Variants in COMMD1 observed in about 807,000 individuals in gnomAD.
COMMD1 encodes the protein copper metabolism domain containing 1.
In COMMD1, 10 loss-of-function variants were observed where a neutral mutation model predicts 17.2. The ratio of observed to expected loss-of-function variants is 0.58; its 90% CI spans 0.36 to 0.99. The LOEUF (loss-of-function observed/expected upper bound fraction) is 0.99. Ranked by LOEUF, COMMD1 falls within the 50% of genes least tolerant of loss-of-function variation. COMMD1 has a pLI of 0.01. For synonymous variants in COMMD1, 97 were observed against 91.6 expected, an observed-to-expected ratio of 1.06 and a Z score of -0.34; for missense variants, 270 against 231.8, an observed-to-expected ratio of 1.17 and a Z score of -1.07.
chr2:62,109,428 T>C (rs1214708284), intron 2 of COMMD1, among the ~76,000 whole-genome samples: 1 of 152,242 alleles, frequency 6.6e-6, no homozygotes, highest in Non-Finnish European at 1.5e-5. Flanking sequence ...CTTTTGAGTC[T>C]TCTTATAAAC....
chr2:62,096,112 A>G (rs1326581350), intron 2 of COMMD1, among the ~76,000 whole-genome samples: 5 of 152,050 alleles, frequency 3.3e-5, no homozygotes, highest in Non-Finnish European at 5.9e-5. Flanking sequence ...ACTTTCTCCT[A>G]AAAATGTAAT....
At chr2:62,008,167 T>C (rs948145786) in intron 2 of COMMD1, among the ~76,000 whole-genome samples, 1 of 152,190 alleles carries the variant, frequency 6.6e-6, no homozygotes, top group East Asian at 1.9e-4. Context: ...AGAGTGAAAG[T>C]GAGACCTTGT....
chr2:62,100,594 A>G (rs1302996815), intron 2 of COMMD1, among the ~76,000 whole-genome samples: 1 of 152,178 alleles, frequency 6.6e-6, no homozygotes, highest in African/African-American at 2.4e-5. Context: ...CTTCCAGGCT[A>G]TAGGTAAATT....
chr2:62,046,547 GAAAATT>G (rs1670388399), intron 2 of COMMD1, among the ~76,000 whole-genome samples: 1 of 152,174 alleles, frequency 6.6e-6, no homozygotes, highest in Non-Finnish European at 1.5e-5. Flanking sequence ...TTTTCTGCCT[GAAAATT>G]AAAATTAGAG....
intron 2 of COMMD1, among the ~76,000 whole-genome samples, chr2:62,073,099 C>T (rs942278219): frequency 6.6e-6 from 1 of 152,208 alleles, no homozygotes; most frequent in Non-Finnish European, 1.5e-5. Flanking sequence ...GGTTCCCACC[C>T]AGCAGCACAG....
intron 1 of COMMD1, among the ~76,000 whole-genome samples, chr2:61,965,492 T>C (rs1231503545): frequency 6.6e-6 from 1 of 152,230 alleles, no homozygotes; most frequent in East Asian, 1.9e-4. Flanking sequence ...CCCACTAGAC[T>C]GTAAGCACAG....
upstream of COMMD1, among the ~76,000 whole-genome samples, chr2:61,901,481 A>G (rs28489300): frequency 0.031 from 4,771 of 151,854 alleles, 119 homozygotes; most frequent in East Asian, 0.088. Flanking sequence ...AAATTAGGTC[A>G]GCGTGGTGGT....
At chr2:61,932,395 G>A (rs1315381638) in intron 1 of COMMD1, among the ~76,000 whole-genome samples, 1 of 152,180 alleles carries the variant, frequency 6.6e-6, no homozygotes, top group Non-Finnish European at 1.5e-5. Context: ...TCTGTGCTTG[G>A]AGCTCAAATG....
chr2:61,955,754 C>T (rs766794056), intron 1 of COMMD1, among the ~76,000 whole-genome samples: 5 of 152,126 alleles, frequency 3.3e-5, no homozygotes, highest in Non-Finnish European at 7.3e-5. Flanking sequence ...GGCACGACCT[C>T]GGCTCACTGC....
At chr2:62,051,949 A>G (rs1044754571) in intron 2 of COMMD1, among the ~76,000 whole-genome samples, 8 of 152,252 alleles carry the variant, frequency 5.3e-5, no homozygotes, top group Admixed American at 1.3e-4. Context: ...CAGACATGCC[A>G]CATTATATTG....
intron 2 of COMMD1, among the ~76,000 whole-genome samples, chr2:62,011,245 T>C (rs1373738689): frequency 6.6e-6 from 1 of 152,064 alleles, no homozygotes; most frequent in Non-Finnish European, 1.5e-5. Flanking sequence ...AAACTATTTA[T>C]TTAAAGTGTA....
intron 2 of COMMD1, among the ~76,000 whole-genome samples, chr2:62,042,841 G>A (rs1670273601): frequency 6.6e-6 from 1 of 152,238 alleles, no homozygotes; most frequent in Non-Finnish European, 1.5e-5. Context: ...GGTGCCACTA[G>A]TAAAAGCAAC....
At chr2:61,920,279 A>G (rs1047476115) in intron 1 of COMMD1, among the ~76,000 whole-genome samples, 1 of 152,142 alleles carries the variant, frequency 6.6e-6, no homozygotes, top group Non-Finnish European at 1.5e-5. Flanking sequence ...TTTTTTTTAC[A>G]CAAAAATGTT....
At chr2:61,898,779 A>G (rs1669602414) in intron 1 of COMMD1, among the ~76,000 whole-genome samples, 2 of 152,108 alleles carry the variant, frequency 1.3e-5, no homozygotes, top group African/African-American at 2.4e-5. Flanking sequence ...TTAGTTAGGT[A>G]TTTATAATTT....
intron 2 of COMMD1, among the ~76,000 whole-genome samples, chr2:62,123,184 C>T (rs1170770578): frequency 2.0e-5 from 3 of 151,894 alleles, no homozygotes; most frequent in African/African-American, 7.3e-5. Flanking sequence ...CATACCAAGA[C>T]CCCATCAGAA....
At chr2:61,888,894 TC>T in intron 1 of COMMD1, 1 of 154,966 alleles carries the variant, frequency 6.5e-6, no homozygotes, top group Admixed American at 7.1e-5. Context: ...TGAGGTCCCC[TC>T]CTTTTTTTTT....
chr2:61,995,880 C>T lies in COMMD1; in HGVS notation c.181-4821C>T, dbSNP rs548325193. ...CAAGTGCAGTAATACAGACATACCT[C>T]GGAAATACCTTGGGTTTGGTTCCAG... On this transcript the variant is annotated intron_variant, in intron 1 of 2. Coordinates refer to ENST00000311832, the MANE Select transcript of COMMD1 (RefSeq NM_152516.4). Among the ~76,000 whole-genome samples, 3 of 152,272 alleles carry T rather than the reference C, an allele frequency of 2.0e-5. No individual in the cohort carries two copies. The East Asian group carries it at 5.8e-4, about 29-fold the overall frequency.
intron 1 of COMMD1, among the ~76,000 whole-genome samples, chr2:61,987,182 C>G (rs1672127429): frequency 6.6e-6 from 1 of 152,110 alleles, no homozygotes; most frequent in African/African-American, 2.4e-5. Flanking sequence ...TTGATTGTTC[C>G]CCGGAGCTTT....
chr2:62,070,679 G>C (rs528303426), intron 2 of COMMD1, among the ~76,000 whole-genome samples: 2 of 152,128 alleles, frequency 1.3e-5, no homozygotes, highest in African/African-American at 4.8e-5. Context: ...TGGATCCCAC[G>C]CAAGAAAGAA....
Sources: allele counts gnomAD v4.1 joint callset (sites outside exome capture counted in the v4.1 genomes callset), GRCh38; gene constraint gnomAD v4.1.1; transcripts MANE v1.5; gene names NCBI Gene and HGNC (gene_info 2026-07-23, HGNC 2026-07-21).